JADE1: variants seen among roughly 807,000 people sequenced by gnomAD.
JADE1 encodes the protein jade family PHD finger 1, also known as protein Jade-1.
A neutral mutation model predicts 81.8 loss-of-function variants in JADE1; 14 were observed. The ratio of observed to expected loss-of-function variants is 0.17; its 90% confidence interval spans 0.11 to 0.27. JADE1 has a LOEUF of 0.27. JADE1 is among the 10% of genes least tolerant of loss of function. JADE1 has a pLI of 1.00. For missense variants in JADE1, 690 were observed against 1,047.9 expected, an observed-to-expected ratio of 0.66 and a Z score of 4.71; for synonymous variants, 353 against 391.9, an observed-to-expected ratio of 0.90 and a Z score of 1.17.
intron 10 of JADE1, among the ~76,000 whole-genome samples, chr4:128,870,963 T>A (rs971338611): frequency 6.6e-6 from 1 of 152,194 alleles, no homozygotes; most frequent in Non-Finnish European, 1.5e-5. Context: ...GGCAGAAGAC[T>A]GGACCGTGGA....
chr4:128,848,876 G>T (rs1579188745), intron 4 of JADE1, 104 bp from the exon 5 acceptor site: 1 of 1,070,598 alleles, frequency 9.3e-7, no homozygotes, highest in East Asian at 2.4e-5. Context: ...GTGATGACCT[G>T]GGGCTCTAAG....
Position 128,835,370 on chromosome 4 carries a change from A to G in JADE1, c.52+3560A>G, listed in dbSNP as rs148682853. Among the ~76,000 whole-genome samples the G allele has an allele frequency of 4.0e-4, 61 of 152,352 alleles. 1 individual carries two copies. Among genetic ancestry groups the G allele is most frequent in the African/African-American group, 1.3e-3 (54 of 41,576 alleles). ...GAACCCCTGAAATGCCAGGCTTATA[A>G]AAAGATGCACATACTCATTGCCATG... On this transcript the variant is annotated intron_variant, in intron 2 of 10. Coordinates refer to ENST00000226319, the MANE Select transcript of JADE1 (RefSeq NM_199320.4).
chr4:128,831,607 A>G (rs1728560863), intron 1 of JADE1, 126 bp from the exon 2 acceptor site: 2 of 750,560 alleles, frequency 2.7e-6, no homozygotes, highest in African/African-American at 1.7e-5. Flanking sequence ...ACTGTTTACA[A>G]TTCAAATGCT....
At chr4:128,831,683 A>T in intron 1 of JADE1, 50 bp from the exon 2 acceptor site, 1 of 1,513,414 alleles carries the variant, frequency 6.6e-7, no homozygotes, top group Non-Finnish European at 9.2e-7. Flanking sequence ...GCACAACTTG[A>T]TGATTGTGTA....
chr4:128,833,673 G>C (rs554296186), intron 2 of JADE1, among the ~76,000 whole-genome samples: 1 of 152,150 alleles, frequency 6.6e-6, no homozygotes, highest in Non-Finnish European at 1.5e-5. Context: ...CCAGCCTGGC[G>C]ACAGAGCGAG....
At chr4:128,862,905 T>TGTGA (rs1731468313) in intron 9 of JADE1, 1 of 987,588 alleles carries the variant, frequency 1.0e-6, no homozygotes, top group African/African-American at 1.8e-5. Context: ...TGTGTGTGTG[T>TGTGA]GTGTGTGTGC....
chr4:128,816,570 A>T (rs1727047997), intron 1 of JADE1: 1 of 152,172 alleles, frequency 6.6e-6, no homozygotes, highest in Non-Finnish European at 1.5e-5. Flanking sequence ...ATTATTAAGG[A>T]TCCTTTCCTC....
intron 1 of JADE1, among the ~76,000 whole-genome samples, chr4:128,819,798 C>T (rs1727391404): frequency 6.6e-6 from 1 of 152,300 alleles, no homozygotes; most frequent in South Asian, 2.1e-4. Context: ...GTATCATGGC[C>T]TTAGTCATTC....
intron 2 of JADE1, among the ~76,000 whole-genome samples, chr4:128,837,367 G>C (rs1308322841): frequency 6.6e-6 from 1 of 152,186 alleles, no homozygotes; most frequent in East Asian, 1.9e-4. Context: ...TTGGTTGAAG[G>C]CCTAAGTGTA....
intron 8 of JADE1, among the ~76,000 whole-genome samples, chr4:128,860,273 G>GA (rs1446319497): frequency 1.3e-5 from 2 of 152,148 alleles, no homozygotes; most frequent in Admixed American, 1.3e-4. Flanking sequence ...TATTTATAGA[G>GA]AAAATACAGA....
intron 10 of JADE1, among the ~76,000 whole-genome samples, chr4:128,868,391 A>G (rs1355619872): frequency 6.6e-6 from 1 of 152,222 alleles, no homozygotes; most frequent in Non-Finnish European, 1.5e-5. Context: ...TAACATGGTA[A>G]ATATGGTCAA....
intron 1 of JADE1, among the ~76,000 whole-genome samples, chr4:128,828,573 G>A (rs1023441862): frequency 3.9e-5 from 6 of 152,024 alleles, no homozygotes; most frequent in Non-Finnish European, 5.9e-5. Context: ...GATCTTCAGC[G>A]GATGAAAATG....
chr4:128,813,795 T>C (rs1220362707), intron 1 of JADE1, among the ~76,000 whole-genome samples: 1 of 152,064 alleles, frequency 6.6e-6, no homozygotes, highest in Non-Finnish European at 1.5e-5. Flanking sequence ...TGGATACTTC[T>C]ATAAGTGTCT....
At chr4:128,813,760 G>T (rs557413275) in intron 1 of JADE1, among the ~76,000 whole-genome samples, 1 of 151,994 alleles carries the variant, frequency 6.6e-6, no homozygotes, top group South Asian at 2.1e-4. Context: ...TTTCTGCTTG[G>T]TATTTTGCTG....
At chr4:128,856,645 T>G (rs374305998) in intron 7 of JADE1, among the ~76,000 whole-genome samples, 3 of 152,262 alleles carry the variant, frequency 2.0e-5, no homozygotes, top group African/African-American at 7.2e-5. Context: ...TTGACTAATA[T>G]AATTTGCATA....
chr4:128,865,654 C>G (rs546140834), intron 9 of JADE1, among the ~76,000 whole-genome samples: 10 of 152,240 alleles, frequency 6.6e-5, no homozygotes, highest in Admixed American at 5.9e-4. Flanking sequence ...TGGAGTTGGT[C>G]AGGGCTGATT....
intron 1 of JADE1, among the ~76,000 whole-genome samples, chr4:128,813,467 G>T (rs1394657794): frequency 7.1e-6 from 1 of 140,076 alleles, no homozygotes; most frequent in African/African-American, 2.7e-5. Flanking sequence ...CACCCAGGCT[G>T]GAGTGCAGTG....
At chr4:128,855,928 TC>T in intron 7 of JADE1, 131 bp downstream of exon 7, 1 of 668,712 alleles carries the variant, frequency 1.5e-6, no homozygotes. Context: ...CAAGTGATCC[TC>T]CCACCTCAGC....
intron 1 of JADE1, among the ~76,000 whole-genome samples, chr4:128,829,283 A>T (rs1248508690): frequency 6.6e-6 from 1 of 152,188 alleles, no homozygotes; most frequent in Non-Finnish European, 1.5e-5. Flanking sequence ...AGTGGGTTTT[A>T]GGACTTGACT....
Sources: gnomAD v4.1 joint callset for allele counts (sites outside exome capture counted in the v4.1 genomes callset) on GRCh38, gnomAD v4.1.1 for gene constraint, MANE v1.5 for transcripts, NCBI Gene and HGNC (gene_info 2026-07-23, HGNC 2026-07-21) for gene names.